DAB1: variants seen among roughly 807,000 people sequenced by gnomAD.
DAB1 encodes DAB adaptor protein 1.
In DAB1, 15 loss-of-function variants were observed where a neutral mutation model predicts 64.6. The observed-to-expected ratio is 0.23, with a 90% CI of 0.16 to 0.36. DAB1 has a LOEUF of 0.36. DAB1 is among the 10% of genes least tolerant of loss of function. The probability of loss-of-function intolerance (pLI) is 1.00; values close to 1 mark genes in which losing one functional copy is unlikely to be tolerated. For missense variants in DAB1, 596 were observed against 706.7 expected, an observed-to-expected ratio of 0.84 and a Z score of 1.78; for synonymous variants, 235 against 251.9, an observed-to-expected ratio of 0.93 and a Z score of 0.64.
At chr1:57,128,290 A>G (rs1156537315) in intron 4 of DAB1, among the ~76,000 whole-genome samples, 1 of 152,138 alleles carries the variant, frequency 6.6e-6, no homozygotes, top group Non-Finnish European at 1.5e-5. Context: ...AAGAGCAGTG[A>G]ACAAAGGATA....
chr1:58,439,059 T>G (rs540960609), intron 3 of DAB1, among the ~76,000 whole-genome samples: 20 of 152,104 alleles, frequency 1.3e-4, no homozygotes, highest in African/African-American at 4.8e-4. Context: ...CAGGTCTATA[T>G]CCCAAGCAGC....
intron 7 of DAB1, among the ~76,000 whole-genome samples, chr1:57,614,685 G>A (rs923773144): frequency 2.5e-4 from 38 of 151,994 alleles, no homozygotes; most frequent in African/African-American, 9.2e-4. Context: ...ATTATAGGTT[G>A]CCAGTGCTAT....
chr1:58,542,585 T>C (rs967212774), intron 1 of DAB1: 3 of 150,218 alleles, frequency 2.0e-5, no homozygotes, highest in African/African-American at 7.4e-5. Flanking sequence ...CAAAAAAAAA[T>C]GGAAAGAACT....
intron 6 of DAB1, among the ~76,000 whole-genome samples, chr1:57,675,345 C>T (rs546506698): frequency 1.2e-4 from 19 of 152,186 alleles, no homozygotes; most frequent in Non-Finnish European, 2.5e-4. Context: ...ACAAGGCTAA[C>T]ATAGAAACAG....
chr1:57,287,103 G>A (rs1396903858), intron 2 of DAB1, among the ~76,000 whole-genome samples: 1 of 152,196 alleles, frequency 6.6e-6, no homozygotes, highest in Non-Finnish European at 1.5e-5. Context: ...ACAAGGTCTG[G>A]CTCTATTGCA....
Position 57,400,418 on chromosome 1 carries a change from T to A in DAB1, c.-137+23512A>T, listed in dbSNP as rs906716454. Among the ~76,000 whole-genome samples the A allele has an allele frequency of 3.9e-5, 6 of 152,122 alleles. No homozygotes were observed. In the East Asian group the frequency reaches 1.2e-3, roughly 29 times the overall value. On this transcript the variant is annotated intron_variant, in intron 1 of 14. Transcript: ENST00000371236. Reference sequence around the variant, plus strand: ...CAAGTGGCTGAATGAACAAAGTTTATGAGAGGTACCTGCCTGTCCATAAAC... The same window carrying A: ...CAAGTGGCTGAATGAACAAAGTTTAAGAGAGGTACCTGCCTGTCCATAAAC...
intron 3 of DAB1, among the ~76,000 whole-genome samples, chr1:58,366,945 C>A (rs757590029): frequency 1.3e-5 from 2 of 152,154 alleles, no homozygotes; most frequent in Non-Finnish European, 2.9e-5. Flanking sequence ...GATTTTCAAA[C>A]AATATTTTAA....
intron 1 of DAB1, among the ~76,000 whole-genome samples, chr1:57,405,692 G>A (rs1309401119): frequency 6.6e-6 from 1 of 152,048 alleles, no homozygotes; most frequent in Non-Finnish European, 1.5e-5. Flanking sequence ...GGTTTACCTG[G>A]TCCCCACCCA....
intron 2 of DAB1, among the ~76,000 whole-genome samples, chr1:57,152,184 G>C (rs1475436695): frequency 3.3e-5 from 5 of 152,154 alleles, no homozygotes; most frequent in African/African-American, 1.2e-4. Flanking sequence ...GTGGCTGTCT[G>C]GGTGAGCATA....
intron 4 of DAB1, among the ~76,000 whole-genome samples, chr1:58,274,821 C>T (rs990238989): frequency 2.6e-5 from 4 of 152,140 alleles, no homozygotes; most frequent in Non-Finnish European, 5.9e-5. Context: ...CTCCCTGACC[C>T]CTCGCGCTTC....
chr1:58,162,583 A>G (rs1186625915), intron 4 of DAB1, among the ~76,000 whole-genome samples: 2 of 151,896 alleles, frequency 1.3e-5, no homozygotes, highest in Non-Finnish European at 2.9e-5. Context: ...AGCATACACA[A>G]ACACATTCAC....
At chr1:57,415,726 A>G (rs1684444593) in intron 1 of DAB1, among the ~76,000 whole-genome samples, 1 of 152,186 alleles carries the variant, frequency 6.6e-6, no homozygotes, top group African/African-American at 2.4e-5. Context: ...GTAGACATAT[A>G]ATACTGCTCA....
chr1:57,533,243 C>A (rs756054651), intron 7 of DAB1, among the ~76,000 whole-genome samples: 1 of 151,756 alleles, frequency 6.6e-6, no homozygotes, highest in Non-Finnish European at 1.5e-5. Flanking sequence ...TTTTCCTCAC[C>A]ATATTTCAGA....
At chr1:58,485,874 T>C (rs559507274) in intron 3 of DAB1, among the ~76,000 whole-genome samples, 17 of 152,298 alleles carry the variant, frequency 1.1e-4, no homozygotes, top group African/African-American at 3.9e-4. Flanking sequence ...AATAAATCAT[T>C]ATGATAAATG....
intron 9 of DAB1, among the ~76,000 whole-genome samples, chr1:57,051,812 G>A (rs1649217257): frequency 6.6e-6 from 1 of 152,148 alleles, no homozygotes; most frequent in South Asian, 2.1e-4. Context: ...GATGTTCACA[G>A]CTAGCTGGGG....
intron 4 of DAB1, among the ~76,000 whole-genome samples, chr1:58,245,871 T>C (rs561747254): frequency 6.6e-6 from 1 of 152,204 alleles, no homozygotes; most frequent in African/African-American, 2.4e-5. Flanking sequence ...ATTTATTCCA[T>C]AGTCGTTGGG....
At chr1:58,398,226 T>C (rs1409774026) in intron 3 of DAB1, among the ~76,000 whole-genome samples, 1 of 152,256 alleles carries the variant, frequency 6.6e-6, no homozygotes, top group Non-Finnish European at 1.5e-5. Flanking sequence ...TCTACATCTA[T>C]ACTCTTCATT....
rs557534239 is a variant in DAB1, at chr1:58,351,907, A to G, written n.258-8504T>C. 5.4e-5 allele frequency among the ~76,000 whole-genome samples: 8 copies of G among 148,448 alleles called. No individual in the cohort carries two copies. In the South Asian group the frequency reaches 1.6e-3, roughly 29 times the overall value. On this transcript the variant is annotated intron_variant and non_coding_transcript_variant, in intron 3 of 20. Coordinates refer to the DAB1 transcript ENST00000485760. ...AAGGACGGTGAGTCTAGGTAACCTC[A>G]GAGTTGATATTTTCAGGGAAGTTGG...
intron 1 of DAB1, chr1:58,539,458 CA>C (rs1408883494): frequency 1.7e-6 from 1 of 583,150 alleles, no homozygotes; most frequent in Admixed American, 3.4e-5. Context: ...ACCCCTAGAG[CA>C]ACGCCTTTCA....
Sources: gnomAD v4.1 joint callset for allele counts (sites outside exome capture counted in the v4.1 genomes callset) on GRCh38, gnomAD v4.1.1 for gene constraint, MANE v1.5 for transcripts, NCBI Gene and HGNC (gene_info 2026-07-23, HGNC 2026-07-21) for gene names.